The following CSTL1 variants were observed in gnomAD, a reference collection of about 807,000 sequenced individuals.
CSTL1 encodes cystatin like 1, also known as cystatin-like 1.
CSTL1 carries 14 observed loss-of-function variants against 14.4 expected under a neutral mutation model. The observed-to-expected ratio is 0.97, with a 90% CI of 0.64 to 1.52. CSTL1 has a LOEUF of 1.52. Among genes scored for constraint, CSTL1 ranks in the 40% most tolerant of loss-of-function variants. The probability of loss-of-function intolerance (pLI) is 0.00; values close to 1 mark genes in which losing one functional copy is unlikely to be tolerated. For synonymous variants in CSTL1, 72 were observed against 67.5 expected (o/e 1.07, Z -0.33); for missense variants, 170 against 168.7 (o/e 1.01, Z -0.04).
the CSTL1 span, chr20:23,452,813 C>T: frequency 1.2e-6 from 2 of 1,611,092 alleles, no homozygotes; most frequent in Admixed American, 1.7e-5. Context: ...AGCCATCATC[C>T]TTCAGCTGCA....
downstream of CSTL1, among the ~76,000 whole-genome samples, chr20:23,445,159 A>G (rs1986940824): frequency 6.6e-6 from 1 of 150,448 alleles, no homozygotes; most frequent in South Asian, 2.1e-4. Flanking sequence ...GCACATGCAC[A>G]CTCACTCGCA....
At position 23,440,104 on chromosome 20, in the gene CSTL1, G is replaced by T. The variant is rs149818199; in HGVS notation, c.-124-40G>T. 130 of 676,622 alleles carry T rather than the reference G, an allele frequency of 1.9e-4. 1 individual carries two copies. The East Asian group carries it at 3.4e-3, about 18-fold the overall frequency. The allele number at this position is 676,622 out of a possible 1,614,324, so 41.9% of individuals were successfully genotyped here. ...GTAGAAAATGAACTGGCTGGAAACTGAGTGACAAGGTTCAGGTCTGAATCT... is the reference window on the plus strand; with the variant it reads ...GTAGAAAATGAACTGGCTGGAAACTTAGTGACAAGGTTCAGGTCTGAATCT... On this transcript the variant is annotated intron_variant, in intron 1 of 3. Transcript: ENST00000347397.
chr20:23,454,196 C>T, the CSTL1 span, among the ~76,000 whole-genome samples: 1 of 151,310 alleles, frequency 6.6e-6, no homozygotes, highest in Non-Finnish European at 1.5e-5. Flanking sequence ...CAATGACACT[C>T]ACACTGAAAC....
chr20:23,451,399 C>G, the CSTL1 span, among the ~76,000 whole-genome samples: 1 of 152,218 alleles, frequency 6.6e-6, no homozygotes, highest in Admixed American at 6.5e-5. Context: ...CCTCCTCCCC[C>G]TGGATGAACA....
the CSTL1 span, among the ~76,000 whole-genome samples, chr20:23,456,982 T>C: frequency 6.6e-6 from 1 of 152,220 alleles, no homozygotes; most frequent in Admixed American, 6.5e-5. Context: ...CTTAATCACA[T>C]CTGCAAAGTC....
At chr20:23,456,724 C>T in the CSTL1 span, among the ~76,000 whole-genome samples, 3 of 152,192 alleles carry the variant, frequency 2.0e-5, no homozygotes, top group Non-Finnish European at 2.9e-5. Flanking sequence ...AATCAAGGTA[C>T]TGGCAGGGTC....
At chr20:23,452,957 T>G in the CSTL1 span, 1 of 631,982 alleles carries the variant, frequency 1.6e-6, no homozygotes, top group East Asian at 2.7e-5. Context: ...TCCCCCTTCA[T>G]CAGCAGCTGA....
chr20:23,452,634 C>T, the CSTL1 span: 1 of 1,614,124 alleles, frequency 6.2e-7, no homozygotes, highest in Non-Finnish European at 8.5e-7. Context: ...TACTTGTCAT[C>T]ACTTTCCTTG....
the CSTL1 span, chr20:23,452,604 C>T: frequency 6.2e-7 from 1 of 1,612,960 alleles, no homozygotes; most frequent in Non-Finnish European, 8.5e-7. Context: ...ACTTTAAGGA[C>T]TCGGAAGATC....
chr20:23,444,396 T>C (rs929277980), intron 3 of CSTL1, among the ~76,000 whole-genome samples: 1 of 152,216 alleles, frequency 6.6e-6, no homozygotes, highest in Non-Finnish European at 1.5e-5. Context: ...CCTTCTATTT[T>C]TCCTGGTCCA....
the CSTL1 span, among the ~76,000 whole-genome samples, chr20:23,455,177 A>G: frequency 0.026 from 3,937 of 152,284 alleles, 158 homozygotes; most frequent in African/African-American, 0.09. Flanking sequence ...TTGGAGTGCC[A>G]GCCCTATATT....
At chr20:23,460,276 T>A in the CSTL1 span, among the ~76,000 whole-genome samples, 2 of 152,206 alleles carry the variant, frequency 1.3e-5, no homozygotes, top group Non-Finnish European at 2.9e-5. Context: ...GGTTCTCTTG[T>A]AAGCCTCAGT....
downstream of CSTL1, among the ~76,000 whole-genome samples, chr20:23,449,396 ATG>A (rs201689303): frequency 1.1e-3 from 162 of 151,718 alleles, no homozygotes; most frequent in African/African-American, 3.7e-3. Context: ...TGCCGTGTGT[ATG>A]TGTGTGTGTG....
chr20:23,449,476 C>G (rs755854536), downstream of CSTL1, among the ~76,000 whole-genome samples: 2 of 152,104 alleles, frequency 1.3e-5, no homozygotes, highest in Admixed American at 6.5e-5. Flanking sequence ...GTATTAAACC[C>G]AAGGCTTTTG....
the CSTL1 span, among the ~76,000 whole-genome samples, chr20:23,455,377 A>G: frequency 6.6e-6 from 1 of 152,178 alleles, no homozygotes; most frequent in African/African-American, 2.4e-5. Flanking sequence ...TTATTGTGCA[A>G]TTGTCTGAAC....
At chr20:23,452,299 A>G in the CSTL1 span, among the ~76,000 whole-genome samples, 11 of 152,322 alleles carry the variant, frequency 7.2e-5, no homozygotes, top group African/African-American at 2.6e-4. Context: ...AAGCAGTGGC[A>G]GACAAAGCAC....
At chr20:23,456,201 C>T in the CSTL1 span, among the ~76,000 whole-genome samples, 2 of 152,214 alleles carry the variant, frequency 1.3e-5, no homozygotes, top group African/African-American at 4.8e-5. Flanking sequence ...CTCAGCCATG[C>T]TATTTGTCCT....
chr20:23,456,838 T>C, the CSTL1 span, among the ~76,000 whole-genome samples: 1 of 152,176 alleles, frequency 6.6e-6, no homozygotes, highest in African/African-American at 2.4e-5. Flanking sequence ...ATGGAGTCTC[T>C]TCAGTCTCTC....
At chr20:23,452,804 G>A in the CSTL1 span, 5 of 1,612,700 alleles carry the variant, frequency 3.1e-6, no homozygotes, top group Middle Eastern at 1.6e-4. Context: ...CCAGGGCTCA[G>A]CCATCATCCT....
Sources: allele counts gnomAD v4.1 joint callset (sites outside exome capture counted in the v4.1 genomes callset), GRCh38; gene constraint gnomAD v4.1.1; transcripts MANE v1.5; gene names NCBI Gene and HGNC (gene_info 2026-07-23, HGNC 2026-07-21).